Variants in PTPRT observed in about 807,000 individuals in gnomAD.
The protein encoded by PTPRT is protein tyrosine phosphatase receptor type T, also known as receptor-type tyrosine-protein phosphatase T.
A neutral mutation model predicts 176.8 loss-of-function variants in PTPRT; 56 were observed. The ratio of observed to expected loss-of-function variants is 0.32; its 90% CI spans 0.26 to 0.40. The LOEUF (loss-of-function observed/expected upper bound fraction) is 0.40, where lower values mean the gene tolerates loss of function less well. PTPRT is among the 10% of genes least tolerant of loss of function. The pLI is 1.00. For synonymous variants in PTPRT, 783 were observed against 739.0 expected, an observed-to-expected ratio of 1.06 and a Z score of -0.96; for missense variants, 1,540 against 1,908.2, an observed-to-expected ratio of 0.81 and a Z score of 3.60.
chr20:43,122,344 G>A (rs1236366521), intron 1 of PTPRT, among the ~76,000 whole-genome samples: 2 of 152,186 alleles, frequency 1.3e-5, no homozygotes, highest in Non-Finnish European at 2.9e-5. Context: ...CTGGCACACA[G>A]AGCCATGCCG....
intron 7 of PTPRT, among the ~76,000 whole-genome samples, chr20:42,556,521 G>A (rs2072863670): frequency 6.6e-6 from 1 of 150,854 alleles, no homozygotes; most frequent in South Asian, 2.1e-4. Flanking sequence ...TTATATACTT[G>A]AGTATTTGAG....
At chr20:42,699,062 A>G (rs2075931645) in intron 6 of PTPRT, among the ~76,000 whole-genome samples, 1 of 152,228 alleles carries the variant, frequency 6.6e-6, no homozygotes, top group Non-Finnish European at 1.5e-5. Context: ...ATCTAGTCTC[A>G]TGATGTTTTC....
intron 1 of PTPRT, among the ~76,000 whole-genome samples, chr20:42,918,589 T>C (rs962368431): frequency 5.9e-5 from 9 of 152,152 alleles, no homozygotes; most frequent in African/African-American, 2.2e-4. Flanking sequence ...CCTGTCCCCA[T>C]TGCAACCACC....
intron 1 of PTPRT, among the ~76,000 whole-genome samples, chr20:43,073,685 T>G (rs6065572): frequency 0.67 from 101,044 of 151,320 alleles, 34,610 homozygotes; most frequent in East Asian, 0.82. Context: ...ACCACTTTAT[T>G]CAAAGGTGTC....
intron 4 of PTPRT, among the ~76,000 whole-genome samples, chr20:42,772,420 T>C (rs1369585750): frequency 1.3e-5 from 2 of 152,154 alleles, no homozygotes; most frequent in Non-Finnish European, 2.9e-5. Flanking sequence ...GGACTGGACA[T>C]AACAGGGAAA....
intron 1 of PTPRT, among the ~76,000 whole-genome samples, chr20:43,026,373 C>T (rs538911450): frequency 2.0e-5 from 3 of 152,258 alleles, no homozygotes; most frequent in East Asian, 1.9e-4. Context: ...GCCTCGGCCT[C>T]GCAAAGTGCT....
At position 42,750,994 on chromosome 20, in the gene PTPRT, C is replaced by T. The variant is rs548244989; in HGVS notation, c.859+5468G>A. Among the ~76,000 whole-genome samples the T allele has an allele frequency of 5.9e-5, 9 of 152,198 alleles. No homozygotes were observed. In the South Asian group the frequency reaches 1.9e-3, roughly 32 times the overall value. On this transcript the variant is annotated intron_variant, in intron 6 of 30. Transcript: ENST00000373187. ...CCCAGAATTAAGTAATTCCAATTTG[C>T]TTTCATTTCGGTCTGTGTGTCGCCC...
intron 1 of PTPRT, among the ~76,000 whole-genome samples, chr20:42,976,557 C>T (rs1982968701): frequency 6.6e-6 from 1 of 152,168 alleles, no homozygotes; most frequent in South Asian, 2.1e-4. Context: ...AGGCACCCAC[C>T]ACCACACCTG....
intron 2 of PTPRT, among the ~76,000 whole-genome samples, chr20:42,800,604 A>G (rs955708076): frequency 2.0e-5 from 3 of 152,168 alleles, no homozygotes; most frequent in Non-Finnish European, 4.4e-5. Context: ...TGGCATGATA[A>G]TATTTTGATT....
chr20:42,722,409 C>G (rs2076317853), intron 6 of PTPRT, among the ~76,000 whole-genome samples: 1 of 152,188 alleles, frequency 6.6e-6, no homozygotes, highest in African/African-American at 2.4e-5. Context: ...GCAACTGACC[C>G]TCCTGCTCCT....
intron 1 of PTPRT, among the ~76,000 whole-genome samples, chr20:42,988,141 G>A (rs964244869): frequency 2.6e-5 from 4 of 152,152 alleles, no homozygotes; most frequent in Non-Finnish European, 2.9e-5. Context: ...TCTTGGAGAC[G>A]GGCCACTGAA....
chr20:42,463,922 CTTAA>C (rs1244102805), intron 8 of PTPRT, among the ~76,000 whole-genome samples: 1 of 152,146 alleles, frequency 6.6e-6, no homozygotes, highest in African/African-American at 2.4e-5. Context: ...ATCTTTACAT[CTTAA>C]TTAACTATAG....
chr20:42,653,815 T>C (rs1164323488), intron 7 of PTPRT, among the ~76,000 whole-genome samples: 1 of 152,218 alleles, frequency 6.6e-6, no homozygotes, highest in Non-Finnish European at 1.5e-5. Flanking sequence ...AACCCACAGT[T>C]TATCGTTAAG....
downstream of PTPRT, among the ~76,000 whole-genome samples, chr20:42,070,518 T>C (rs1011945442): frequency 6.6e-6 from 1 of 151,908 alleles, no homozygotes; most frequent in Non-Finnish European, 1.5e-5. Context: ...AACCCAAGAC[T>C]TGAAGCACCC....
intron 2 of PTPRT, among the ~76,000 whole-genome samples, chr20:42,808,140 G>A (rs2077640363): frequency 6.6e-6 from 1 of 152,184 alleles, no homozygotes; most frequent in African/African-American, 2.4e-5. Context: ...TTAGCTCCCC[G>A]TGGAGTTGGC....
intron 9 of PTPRT, among the ~76,000 whole-genome samples, chr20:42,388,057 G>A (rs1009391470): frequency 2.0e-5 from 3 of 152,236 alleles, no homozygotes; most frequent in Admixed American, 1.3e-4. Context: ...CCAAAGTGCT[G>A]GGATTACAGG....
chr20:42,595,923 C>A (rs2073662748), intron 7 of PTPRT, among the ~76,000 whole-genome samples: 1 of 152,172 alleles, frequency 6.6e-6, no homozygotes, highest in African/African-American at 2.4e-5. Flanking sequence ...TTTCTTTGAG[C>A]AAATACCCCT....
intron 1 of PTPRT, among the ~76,000 whole-genome samples, chr20:42,916,343 T>G (rs541008471): frequency 2.0e-5 from 3 of 152,292 alleles, no homozygotes; most frequent in South Asian, 2.1e-4. Flanking sequence ...ATGTGCCACA[T>G]TTTCTTAATC....
intron 1 of PTPRT, among the ~76,000 whole-genome samples, chr20:43,034,102 T>C (rs1270623893): frequency 2.0e-5 from 3 of 152,226 alleles, no homozygotes; most frequent in African/African-American, 7.2e-5. Context: ...CTCATGCTCT[T>C]TCCTGACTGT....
Sources: gnomAD v4.1 joint callset for allele counts (sites outside exome capture counted in the v4.1 genomes callset) on GRCh38, gnomAD v4.1.1 for gene constraint, MANE v1.5 for transcripts, NCBI Gene and HGNC (gene_info 2026-07-23, HGNC 2026-07-21) for gene names.